Variants in ITGA4 observed in about 807,000 individuals in gnomAD.
ITGA4 encodes the protein integrin alpha-4.
In ITGA4, 63 loss-of-function variants were observed where a neutral mutation model predicts 133.6. The observed-to-expected ratio is 0.47, with a 90% CI of 0.38 to 0.58. The LOEUF (loss-of-function observed/expected upper bound fraction) is 0.58. ITGA4 is among the 20% of genes least tolerant of loss of function. The pLI is 0.00. For synonymous variants in ITGA4, 483 were observed against 438.0 expected (o/e 1.10, Z -1.28); for missense variants, 1,076 against 1,252.7 (o/e 0.86, Z 2.13).
At chr2:181,509,098 A>T (rs1195855827) in intron 15 of ITGA4, among the ~76,000 whole-genome samples, 1 of 136,972 alleles carries the variant, frequency 7.3e-6, no homozygotes, top group Non-Finnish European at 1.5e-5. Flanking sequence ...GCTACACTTC[A>T]CTCCAGTCTG....
intron 2 of ITGA4, among the ~76,000 whole-genome samples, chr2:181,464,491 CAATT>C (rs934979876): frequency 7.5e-4 from 114 of 152,014 alleles, no homozygotes; most frequent in African/African-American, 2.4e-3. Flanking sequence ...GGTAAATGGA[CAATT>C]AATTATGAGA....
chr2:181,478,625 G>C, intron 4 of ITGA4, 132 bp from the exon 5 acceptor site: 1 of 433,668 alleles, frequency 2.3e-6, no homozygotes, highest in Non-Finnish European at 4.2e-6. Context: ...TTATATCAAG[G>C]TTACTGGTTT....
At chr2:181,527,111 C>G (rs1356792788) in intron 21 of ITGA4, among the ~76,000 whole-genome samples, 186 bp from the exon 22 acceptor site, 2 of 151,946 alleles carry the variant, frequency 1.3e-5, no homozygotes, top group Non-Finnish European at 2.9e-5. Context: ...GCTGGGATTA[C>G]AGGCATGAGC....
chr2:181,478,978 CA>C lies in ITGA4; in HGVS notation c.624+158del, dbSNP rs770771840. 942 of 413,930 alleles carry C rather than the reference CA, an allele frequency of 2.3e-3. 3 individuals carry two copies. Among genetic ancestry groups the C allele is most frequent in the Admixed American group, 4.5e-3 (107 of 23,986 alleles). The allele number at this position is 413,930 out of a possible 1,614,324, so 25.6% of individuals were successfully genotyped here. ...GTATTACAACTTAATTTTTGCCACT[CA>C]AAATTCCACATATATTTCAATAAAA... On this transcript the variant is annotated intron_variant, in intron 5 of 27. Coordinates refer to ENST00000397033, the MANE Select transcript of ITGA4 (RefSeq NM_000885.6).
chr2:181,482,880 C>A (rs892314188), intron 9 of ITGA4, among the ~76,000 whole-genome samples: 1 of 152,078 alleles, frequency 6.6e-6, no homozygotes, highest in African/African-American at 2.4e-5. Context: ...TAGGGAGTTT[C>A]TCTGTTCACA....
intron 10 of ITGA4, among the ~76,000 whole-genome samples, chr2:181,488,909 A>AT (rs564714837): frequency 2.0e-5 from 3 of 152,204 alleles, no homozygotes; most frequent in African/African-American, 4.8e-5. Context: ...CGTTTTCTAT[A>AT]TTTTAGATAT....
intron 20 of ITGA4, 55 bp from the exon 21 acceptor site, chr2:181,525,147 C>T (rs1686806812): frequency 1.0e-6 from 1 of 1,002,576 alleles, no homozygotes; most frequent in Non-Finnish European, 1.6e-6. Context: ...AATTAGTTCT[C>T]TCTGAAGATT....
rs1439505866 is a variant in ITGA4 at position 181,457,433 on chromosome 2, AG to A, written c.-221del. ...CTCCCGGCTGGCGGCAGAAACCGGG[AG>A]TGGGGCCGGGCGAGTGCGCGGCATC... On this transcript the variant is annotated 5_prime_UTR_variant, in exon 1 of 28. It adds an upstream start codon to the 5' untranslated region. Coordinates refer to ENST00000397033, the MANE Select transcript of ITGA4 (RefSeq NM_000885.6). The A allele has an allele frequency of 6.1e-6, 3 of 489,422 alleles. No homozygotes were observed. Among genetic ancestry groups the A allele is most frequent in the Non-Finnish European group, 1.1e-5 (3 of 276,204 alleles). The allele number at this position is 489,422 out of a possible 1,614,324, so 30.3% of individuals were successfully genotyped here.
chr2:181,520,088 C>T (rs1035194752), intron 17 of ITGA4, among the ~76,000 whole-genome samples: 3 of 152,062 alleles, frequency 2.0e-5, no homozygotes, highest in Non-Finnish European at 2.9e-5. Flanking sequence ...GAAAATACTG[C>T]ATTTTTATAG....
At chr2:181,478,632 G>C in intron 4 of ITGA4, 125 bp from the exon 5 acceptor site, 1 of 439,122 alleles carries the variant, frequency 2.3e-6, no homozygotes, top group South Asian at 6.6e-5. Flanking sequence ...AAGGTTACTG[G>C]TTTTTATTTT....
At chr2:181,475,659 A>G (rs1408450786) in intron 4 of ITGA4, among the ~76,000 whole-genome samples, 1 of 152,180 alleles carries the variant, frequency 6.6e-6, no homozygotes, top group Non-Finnish European at 1.5e-5. Flanking sequence ...TTCCTTTTTT[A>G]CCTTTAGCTT....
At chr2:181,468,340 C>G (rs141465003) in intron 2 of ITGA4, among the ~76,000 whole-genome samples, 1,533 of 152,270 alleles carry the variant, frequency 0.01, 95 homozygotes, top group Admixed American at 0.092. Flanking sequence ...CTCTCCAAAG[C>G]TTAGATCTCT....
Position 181,516,632 on chromosome 2 carries a change from C to T in ITGA4, c.1922+4857C>T, listed in dbSNP as rs1414599769. Among the ~76,000 whole-genome samples, 3 of 152,012 alleles carry T rather than the reference C, an allele frequency of 2.0e-5. No individual in the cohort carries two copies. Among genetic ancestry groups the T allele is most frequent in the Admixed American group, 1.3e-4 (2 of 15,238 alleles). Reference sequence around the variant, plus strand: ...TGTTATGGTTGAAGGAGAATGGAGTCGTCATGATCACAGTAAATTGATCCT... The same window carrying T: ...TGTTATGGTTGAAGGAGAATGGAGTTGTCATGATCACAGTAAATTGATCCT... On this transcript the variant is annotated intron_variant, in intron 17 of 27. Transcript: ENST00000397033. This position sits in a 1 kb window ranked among gnomAD's most constrained non-coding sequence, Gnocchi z 4.0.
At chr2:181,515,387 G>T (rs1686584860) in intron 17 of ITGA4, among the ~76,000 whole-genome samples, 1 of 151,988 alleles carries the variant, frequency 6.6e-6, no homozygotes, top group South Asian at 2.1e-4. Context: ...CTCAATAAAA[G>T]TCATTACTAT....
rs185614413 is a variant in ITGA4 at position 181,489,846 on chromosome 2, C to T, written c.1154-3479C>T. Among the ~76,000 whole-genome samples the T allele has an allele frequency of 5.9e-5, 9 of 152,258 alleles. No individual in the cohort carries two copies. The East Asian group carries it at 1.7e-3, about 29-fold the overall frequency. On this transcript the variant is annotated intron_variant, in intron 10 of 27. Transcript: ENST00000397033. Reference sequence around the variant, plus strand: ...GTCTTCATTGTCTATCAAAATGTAGCAGGACGAGCCACAGACAAAACTCTT... The same window carrying T: ...GTCTTCATTGTCTATCAAAATGTAGTAGGACGAGCCACAGACAAAACTCTT...
chr2:181,520,375 A>G (rs1050266544), intron 17 of ITGA4, among the ~76,000 whole-genome samples: 1 of 152,094 alleles, frequency 6.6e-6, no homozygotes, highest in African/African-American at 2.4e-5. Context: ...TTGTGCAGTG[A>G]AAGTGAAGCA....
intron 2 of ITGA4, 36 bp from the exon 3 acceptor site, chr2:181,474,924 C>T (rs759305164): frequency 5.9e-6 from 9 of 1,517,274 alleles, no homozygotes; most frequent in South Asian, 1.1e-5. Flanking sequence ...AGAATGTTTT[C>T]AATACAACTG....
chr2:181,509,765 A>T lies in ITGA4; in HGVS notation c.1803A>T (p.Pro601=). The T allele has an allele frequency of 1.2e-6, 2 of 1,611,494 alleles. No homozygotes were observed. Among genetic ancestry groups the T allele is most frequent in the Non-Finnish European group, 1.7e-6 (2 of 1,178,446 alleles). ...CAGAGGAATTCCCACCACTTCAGCC[A>T]ATTCTTCAGCAGAAGAAAGAAAAAG... is the stretch of plus-strand genomic sequence containing the variant. ...RSTEEFPPLQ[P]ILQQKKEKDI... The change falls in exon 16 of 28, where the codon CCA becomes CCT. Residue 601 remains proline, a synonymous_variant. Coordinates refer to ENST00000397033, the MANE Select transcript of ITGA4 (RefSeq NM_000885.6).
chr2:181,504,498 AAGAAATTTTTTAAC>A (rs1290065799), intron 15 of ITGA4, among the ~76,000 whole-genome samples: 1 of 152,092 alleles, frequency 6.6e-6, no homozygotes, highest in African/African-American at 2.4e-5. Flanking sequence ...TACTCCAAAG[AAGAAATTTTTTAAC>A]AATAGCACAC....
Sources: gnomAD v4.1 joint callset for allele counts (sites outside exome capture counted in the v4.1 genomes callset) on GRCh38, gnomAD v4.1.1 for gene constraint, Gnocchi (gnomAD v3.1) non-coding constraint, MANE v1.5 for transcripts, NCBI Gene and HGNC (gene_info 2026-07-23, HGNC 2026-07-21) for gene names.